SMIM35: variants seen among roughly 807,000 people sequenced by gnomAD.
The protein encoded by SMIM35 is TMPRSS4 antisense RNA 1 (non-protein coding).
chr11:118,073,625 A>T (rs1303948117), intron 1 of SMIM35, among the ~76,000 whole-genome samples: 1 of 152,234 alleles, frequency 6.6e-6, no homozygotes, highest in Non-Finnish European at 1.5e-5. Context: ...AAGCAGTTGC[A>T]GGGACAGGAG....
intron 1 of SMIM35, among the ~76,000 whole-genome samples, chr11:118,072,307 C>G (rs143468409): frequency 6.6e-6 from 1 of 152,048 alleles, no homozygotes; most frequent in Non-Finnish European, 1.5e-5. Context: ...CTGGCCAACA[C>G]GGCAAAACCC....
chr11:118,019,421 T>C (rs1225389608), intron 1 of SMIM35, among the ~76,000 whole-genome samples: 1 of 152,108 alleles, frequency 6.6e-6, no homozygotes, highest in South Asian at 2.1e-4. Flanking sequence ...AGCAGTCAAA[T>C]TGAGGAGTCA....
chr11:118,079,553 G>A (rs1402371441), intron 1 of SMIM35, among the ~76,000 whole-genome samples: 1 of 152,188 alleles, frequency 6.6e-6, no homozygotes, highest in Admixed American at 6.5e-5. Context: ...CCCTGGGACT[G>A]GTTATCCTGG....
In SMIM35 at chr11:118,055,544, T is replaced by C. The variant is rs117813622; in HGVS notation, c.7+31207A>G. Reference sequence around the variant, plus strand: ...TGATGTCTTTTGGTGGGGCATGTCTTCTCCTGGGGTCCCCCACTACTTGTT... The same window carrying C: ...TGATGTCTTTTGGTGGGGCATGTCTCCTCCTGGGGTCCCCCACTACTTGTT... On this transcript the variant is annotated intron_variant, in intron 1 of 4. Transcript: ENST00000689828. Among the ~76,000 whole-genome samples the C allele has an allele frequency of 4.4e-3, 675 of 152,302 alleles. 2 individuals carry two copies. The highest frequency in any genetic ancestry group is 6.3e-3 in the Non-Finnish European group (431 of 68,020).
intron 4 of SMIM35, among the ~76,000 whole-genome samples, chr11:118,008,026 C>T (rs1306917921): frequency 3.9e-5 from 6 of 152,084 alleles, no homozygotes; most frequent in African/African-American, 7.2e-5. Context: ...CGAGCCACCA[C>T]GCTCGGCTAA....
At chr11:118,074,746 C>CA (rs1944628029) in intron 1 of SMIM35, among the ~76,000 whole-genome samples, 1 of 65,346 alleles carries the variant, frequency 1.5e-5, no homozygotes, top group Admixed American at 1.9e-4. Flanking sequence ...GACCCTGTCT[C>CA]AGAAAAAAAA....
intron 1 of SMIM35, among the ~76,000 whole-genome samples, chr11:118,075,586 A>T (rs541048428): frequency 6.6e-6 from 1 of 152,182 alleles, no homozygotes; most frequent in Non-Finnish European, 1.5e-5. Flanking sequence ...CTTCATGTCC[A>T]TAGGCTATAG....
chr11:118,065,659 AT>A (rs1944462570), intron 1 of SMIM35, among the ~76,000 whole-genome samples: 1 of 152,102 alleles, frequency 6.6e-6, no homozygotes, highest in Admixed American at 6.5e-5. Context: ...CCTCTACTTC[AT>A]TTACATAGGG....
chr11:118,052,416 C>A (rs74795137), intron 1 of SMIM35, among the ~76,000 whole-genome samples: 2,463 of 152,234 alleles, frequency 0.016, 106 homozygotes, highest in East Asian at 0.1. Context: ...GTGTCTCCCA[C>A]GCAGAGGAGG....
At position 118,062,156 on chromosome 11, in the gene SMIM35, C is replaced by T. The variant is rs185834583; in HGVS notation, c.7+24595G>A. 5.3e-4 allele frequency among the ~76,000 whole-genome samples: 81 copies of T among 152,296 alleles called. No individual in the cohort carries two copies. The East Asian group carries it at 0.014, about 26-fold the overall frequency. ...ACCAGCTTGGCCAACATGGCGAAAT[C>T]CCATCTCTACCAAAAATACAAAAAT... On this transcript the variant is annotated intron_variant, in intron 1 of 4. Coordinates refer to ENST00000689828, the MANE Select transcript of SMIM35 (RefSeq NM_001394165.1).
intron 1 of SMIM35, among the ~76,000 whole-genome samples, chr11:118,028,257 C>T (rs891939470): frequency 6.6e-6 from 1 of 152,222 alleles, no homozygotes; most frequent in African/African-American, 2.4e-5. Context: ...CAGTTTCCTG[C>T]TCCTGTGGAC....
chr11:118,058,588 T>C (rs1016068911), intron 1 of SMIM35, among the ~76,000 whole-genome samples: 1 of 152,120 alleles, frequency 6.6e-6, no homozygotes, highest in African/African-American at 2.4e-5. Context: ...AATCCAGTTG[T>C]AAGCACAAGA....
At chr11:118,011,330 G>T (rs1024002214) in intron 4 of SMIM35, among the ~76,000 whole-genome samples, 4 of 152,188 alleles carry the variant, frequency 2.6e-5, no homozygotes, top group Non-Finnish European at 4.4e-5. Flanking sequence ...CACTTCCGGG[G>T]GCCTAGGGTG....
At chr11:118,069,742 C>A (rs964766741) in intron 1 of SMIM35, among the ~76,000 whole-genome samples, 2 of 152,166 alleles carry the variant, frequency 1.3e-5, no homozygotes, top group African/African-American at 4.8e-5. Context: ...ATCTTGGGAG[C>A]TGGTTCCCTA....
At chr11:118,079,203 C>T (rs1392737158) in intron 1 of SMIM35, among the ~76,000 whole-genome samples, 1 of 152,142 alleles carries the variant, frequency 6.6e-6, no homozygotes. Flanking sequence ...TGCTGAATAA[C>T]CCTGTCATTA....
chr11:118,056,543 G>T (rs1277842396), intron 1 of SMIM35, among the ~76,000 whole-genome samples: 1 of 152,238 alleles, frequency 6.6e-6, no homozygotes, highest in Non-Finnish European at 1.5e-5. Flanking sequence ...CAATAGAGAT[G>T]TAGGTTTAGA....
chr11:118,021,008 T>C (rs944546497), intron 1 of SMIM35, among the ~76,000 whole-genome samples: 1 of 152,012 alleles, frequency 6.6e-6, no homozygotes, highest in South Asian at 2.1e-4. Flanking sequence ...CTTGAGGTAT[T>C]TGGCAGTGCG....
At chr11:118,024,539 C>T (rs2058258502) in intron 1 of SMIM35, among the ~76,000 whole-genome samples, 1 of 151,330 alleles carries the variant, frequency 6.6e-6, no homozygotes, top group Non-Finnish European at 1.5e-5. Flanking sequence ...ATGGTGTGAT[C>T]TCGGCTCACT....
chr11:118,009,147 A>T (rs1456136336), intron 4 of SMIM35, among the ~76,000 whole-genome samples: 1 of 152,148 alleles, frequency 6.6e-6, no homozygotes, highest in Non-Finnish European at 1.5e-5. Context: ...GGTCAGTGGG[A>T]AGCTCAGAGC....
Sources: gnomAD v4.1 joint callset for allele counts (sites outside exome capture counted in the v4.1 genomes callset) on GRCh38, gnomAD v4.1.1 for gene constraint, MANE v1.5 for transcripts, NCBI Gene and HGNC (gene_info 2026-07-23, HGNC 2026-07-21) for gene names.